Variants in FAF1 observed in about 807,000 individuals in gnomAD.
FAF1 encodes Fas associated factor 1, also known as FAS-associated factor 1.
FAF1 carries 25 observed loss-of-function variants against 92.5 expected under a neutral mutation model. That is an observed-to-expected ratio of 0.27 (90% CI 0.20 to 0.38). The LOEUF (loss-of-function observed/expected upper bound fraction) is 0.38, where lower values mean the gene tolerates loss of function less well. Among genes scored for constraint, FAF1 ranks in the 10% least tolerant of loss-of-function variants. The pLI is 1.00. For missense variants in FAF1, 636 were observed against 793.3 expected, an observed-to-expected ratio of 0.80 and a Z score of 2.38; for synonymous variants, 234 against 273.2, an observed-to-expected ratio of 0.86 and a Z score of 1.42.
intron 2 of FAF1, among the ~76,000 whole-genome samples, chr1:50,810,925 G>T (rs1569985485): frequency 1.3e-5 from 2 of 152,078 alleles, no homozygotes; most frequent in East Asian, 3.9e-4. Flanking sequence ...GGCACCTGTG[G>T]TCCCAGCCAT....
intron 6 of FAF1, among the ~76,000 whole-genome samples, chr1:50,736,773 A>T (rs1267894171): frequency 6.6e-6 from 1 of 152,144 alleles, no homozygotes; most frequent in East Asian, 1.9e-4. Context: ...AGAAAGAAAA[A>T]AAAAAGATGT....
chr1:50,937,557 G>C (rs1457503337), intron 1 of FAF1, among the ~76,000 whole-genome samples: 1 of 151,980 alleles, frequency 6.6e-6, no homozygotes, highest in Non-Finnish European at 1.5e-5. Context: ...ATACAGAAGG[G>C]ATTTCAGCCC....
At chr1:50,953,654 G>C (rs752619166) in intron 1 of FAF1, among the ~76,000 whole-genome samples, 2 of 151,676 alleles carry the variant, frequency 1.3e-5, no homozygotes, top group African/African-American at 4.8e-5. Context: ...GAGGAGAATC[G>C]CTTGAACCCA....
intron 6 of FAF1, among the ~76,000 whole-genome samples, chr1:50,716,586 C>T (rs770994832): frequency 6.6e-6 from 1 of 152,190 alleles, no homozygotes; most frequent in Non-Finnish European, 1.5e-5. Flanking sequence ...TGTAAAACCA[C>T]ACCAATCAGA....
intron 15 of FAF1, among the ~76,000 whole-genome samples, chr1:50,494,376 T>C (rs1329441501): frequency 1.3e-5 from 2 of 152,220 alleles, no homozygotes; most frequent in African/African-American, 4.8e-5. Flanking sequence ...TCTCTTGTAT[T>C]CTACAAATAC....
At chr1:50,481,525 T>A (rs1181806762) in intron 17 of FAF1, among the ~76,000 whole-genome samples, 1 of 152,218 alleles carries the variant, frequency 6.6e-6, no homozygotes, top group East Asian at 1.9e-4. Context: ...TTATACCATA[T>A]AATAGCCTAG....
chr1:50,710,861 C>G (rs994006900), intron 6 of FAF1, among the ~76,000 whole-genome samples: 9 of 150,842 alleles, frequency 6.0e-5, no homozygotes, highest in Middle Eastern at 7.0e-3. Flanking sequence ...CTCAGCCTCC[C>G]AAAGTGCTGG....
Position 50,927,656 on chromosome 1 carries a change from G to T in FAF1, c.45+32111C>A, listed in dbSNP as rs77685156. Among the ~76,000 whole-genome samples, 41 of 152,118 alleles carry T rather than the reference G, an allele frequency of 2.7e-4. No homozygotes were observed. The East Asian group carries it at 7.3e-3, about 27-fold the overall frequency. On this transcript the variant is annotated intron_variant, in intron 1 of 18. Coordinates refer to ENST00000396153, the MANE Select transcript of FAF1 (RefSeq NM_007051.3). Reference sequence around the variant, plus strand: ...TACTAAGTTATGCTGAAAGGTGAGGGGTAATTGAATGGAAGAAGGAGGCTT... The same window carrying T: ...TACTAAGTTATGCTGAAAGGTGAGGTGTAATTGAATGGAAGAAGGAGGCTT...
intron 2 of FAF1, among the ~76,000 whole-genome samples, chr1:50,804,448 A>G (rs2124596557): frequency 6.6e-6 from 1 of 152,310 alleles, no homozygotes; most frequent in South Asian, 2.1e-4. Context: ...TGTAAAGGAC[A>G]GACAGGAGGA....
chr1:50,923,254 C>T (rs969397990), intron 1 of FAF1, among the ~76,000 whole-genome samples: 3 of 152,088 alleles, frequency 2.0e-5, no homozygotes, highest in Admixed American at 2.0e-4. Context: ...CCCATCACTA[C>T]AAAAAATATT....
In FAF1 at chr1:50,959,990, T is replaced by C. The variant is rs1645303362; in HGVS notation, c.-179A>G. 2.5e-6 allele frequency: 1 copy of C among 393,920 alleles called. No homozygotes were observed. The highest frequency in any genetic ancestry group is 4.4e-6 in the Non-Finnish European group (1 of 225,244). The allele number at this position is 393,920 out of a possible 1,614,324, so 24.4% of individuals were successfully genotyped here. A position where few individuals can be genotyped will look rare whatever the true frequency, so the allele number is the denominator to read the frequency against. ...GGGCAGCGCGGGAAGCGCTAGGCGC[T>C]CATGCACTCGGTAACCTTCAGGCGC... On this transcript the variant is annotated 5_prime_UTR_variant, in exon 1 of 19. Transcript: ENST00000396153.
chr1:50,774,308 A>AT lies in FAF1; in HGVS notation c.367+13691dup, dbSNP rs1163112856. Among the ~76,000 whole-genome samples, 4 of 152,316 alleles carry AT rather than the reference A, an allele frequency of 2.6e-5. No homozygotes were observed. In the East Asian group the frequency reaches 7.7e-4, roughly 29 times the overall value. On this transcript the variant is annotated intron_variant, in intron 4 of 18. Transcript: ENST00000396153. ...ACAGAAGAACATTTAACTAGTATTT[A>AT]TTACTCATAAAGCATGGCTGAGGCA...
intron 12 of FAF1, chr1:50,582,292 T>A (rs1396539895): frequency 8.4e-6 from 2 of 239,204 alleles, no homozygotes; most frequent in East Asian, 1.6e-4. Context: ...GAGCCAGCAG[T>A]ACCCCTATCA....
At chr1:50,933,841 C>T (rs150198978) in intron 1 of FAF1, among the ~76,000 whole-genome samples, 70 of 152,198 alleles carry the variant, frequency 4.6e-4, no homozygotes, top group Middle Eastern at 3.4e-3. Context: ...TACATGGCAA[C>T]GGCAAGAGAA....
chr1:50,445,472 G>A (rs1646217645), intron 18 of FAF1, among the ~76,000 whole-genome samples: 1 of 152,178 alleles, frequency 6.6e-6, no homozygotes, highest in African/African-American at 2.4e-5. Context: ...GCTGAGAGTA[G>A]TTTCTATATA....
intron 8 of FAF1, chr1:50,612,337 C>A: frequency 8.1e-7 from 1 of 1,238,446 alleles, no homozygotes; most frequent in South Asian, 1.4e-5. Flanking sequence ...TTACCTCAAG[C>A]AGATTCCTCA....
intron 6 of FAF1, among the ~76,000 whole-genome samples, chr1:50,737,980 T>G (rs1476642399): frequency 6.6e-6 from 1 of 152,294 alleles, no homozygotes; most frequent in Middle Eastern, 3.4e-3. Context: ...TAAAAATTAT[T>G]ATCACTAGCA....
intron 2 of FAF1, among the ~76,000 whole-genome samples, chr1:50,855,801 T>C (rs1030481638): frequency 6.6e-6 from 1 of 151,834 alleles, no homozygotes; most frequent in Non-Finnish European, 1.5e-5. Flanking sequence ...GAGATAGACA[T>C]ATCTCAAAAG....
At chr1:50,582,816 C>T (rs1477177068) in intron 11 of FAF1, 117 bp from the exon 12 acceptor site, 1 of 645,624 alleles carries the variant, frequency 1.5e-6, no homozygotes, top group Non-Finnish European at 2.7e-6. Flanking sequence ...GCATACTAAA[C>T]ATAAAAACAT....
Sources: gnomAD v4.1 joint callset for allele counts (sites outside exome capture counted in the v4.1 genomes callset) on GRCh38, gnomAD v4.1.1 for gene constraint, MANE v1.5 for transcripts, NCBI Gene and HGNC (gene_info 2026-07-23, HGNC 2026-07-21) for gene names.